The following RPS6KA2 variants were observed in gnomAD, a reference collection of about 807,000 sequenced individuals.
RPS6KA2 encodes the protein ribosomal protein S6 kinase A2.
RPS6KA2 carries 42 observed loss-of-function variants against 91.8 expected under a neutral mutation model. The observed-to-expected ratio is 0.46, with a 90% CI of 0.36 to 0.59. The LOEUF (loss-of-function observed/expected upper bound fraction) is 0.59, where lower values mean the gene tolerates loss of function less well. RPS6KA2 is among the 20% of genes least tolerant of loss of function. The pLI is 0.00. For missense variants in RPS6KA2, 798 were observed against 978.5 expected (o/e 0.82, Z 2.46); for synonymous variants, 414 against 393.6 (o/e 1.05, Z -0.61).
chr6:166,658,166 G>C (rs369866174), intron 2 of RPS6KA2, among the ~76,000 whole-genome samples: 82 of 152,318 alleles, frequency 5.4e-4, no homozygotes, highest in Middle Eastern at 6.8e-3. Flanking sequence ...ACAGGCATGA[G>C]CCACTGTGGC....
At chr6:166,584,706 T>A (rs1785115687) in intron 1 of RPS6KA2, among the ~76,000 whole-genome samples, 1 of 152,330 alleles carries the variant, frequency 6.6e-6, no homozygotes, top group East Asian at 1.9e-4. Context: ...TTAACTGAAA[T>A]TTTTAACGGA....
intron 2 of RPS6KA2, among the ~76,000 whole-genome samples, chr6:166,741,212 T>C (rs1444050768): frequency 1.3e-5 from 2 of 152,268 alleles, no homozygotes; most frequent in Admixed American, 1.3e-4. Flanking sequence ...TGTTTATGCA[T>C]ACATTGCTTA....
intron 2 of RPS6KA2, among the ~76,000 whole-genome samples, chr6:166,691,150 T>C (rs1789195810): frequency 6.6e-6 from 1 of 152,096 alleles, no homozygotes; most frequent in Non-Finnish European, 1.5e-5. Context: ...TGCTTCTCCT[T>C]TTATACCTGA....
chr6:166,667,973 C>T (rs1006565008), intron 2 of RPS6KA2, among the ~76,000 whole-genome samples: 8 of 152,190 alleles, frequency 5.3e-5, no homozygotes, highest in African/African-American at 1.9e-4. Context: ...AGGGGAAGAG[C>T]ACAGCCCGCA....
chr6:166,482,065 G>T (rs1781244649), intron 10 of RPS6KA2, among the ~76,000 whole-genome samples: 1 of 151,494 alleles, frequency 6.6e-6, no homozygotes, highest in Non-Finnish European at 1.5e-5. Flanking sequence ...ATGGTAGACT[G>T]TACATATACC....
In RPS6KA2 at chr6:166,459,724, ATATAT is replaced by A. The variant is rs1432739341; in HGVS notation, c.973-178_973-174del. 1.3e-5 allele frequency among the ~76,000 whole-genome samples: 2 copies of A among 152,206 alleles called. No homozygotes were observed. The highest frequency in any genetic ancestry group is 4.8e-5 in the African/African-American group (2 of 41,450). On this transcript the variant is annotated intron_variant, in intron 11 of 20. Transcript: ENST00000265678. This position sits in a 1 kb window ranked among gnomAD's most constrained non-coding sequence, Gnocchi z 4.9. The stretch of plus-strand genomic sequence containing the variant: ...TACTCTGAAATATAGATGGCATAAA[ATATAT>A]TATGTGTAGTATGATAGATACTATG...
chr6:166,547,446 C>T (rs757392973), intron 1 of RPS6KA2, among the ~76,000 whole-genome samples: 12 of 152,240 alleles, frequency 7.9e-5, no homozygotes, highest in African/African-American at 2.2e-4. Context: ...GCTGAGTGCC[C>T]GCTCTCCGGC....
chr6:166,687,117 G>A (rs1789046879), intron 2 of RPS6KA2, among the ~76,000 whole-genome samples: 1 of 152,192 alleles, frequency 6.6e-6, no homozygotes, highest in African/African-American at 2.4e-5. Flanking sequence ...GACACAGACA[G>A]CAATGCCCCA....
At chr6:166,513,315 C>A (rs1315953551) in intron 3 of RPS6KA2, among the ~76,000 whole-genome samples, 1 of 152,188 alleles carries the variant, frequency 6.6e-6, no homozygotes, top group Admixed American at 6.5e-5. Flanking sequence ...GTGGTCCTCG[C>A]AGTTCCTAAT....
intron 10 of RPS6KA2, among the ~76,000 whole-genome samples, chr6:166,485,292 G>A (rs1781366461): frequency 6.6e-6 from 1 of 152,256 alleles, no homozygotes; most frequent in South Asian, 2.1e-4. Context: ...GCAAACTTCA[G>A]AGTTGAGAGA....
intron 10 of RPS6KA2, among the ~76,000 whole-genome samples, chr6:166,487,355 G>A (rs1043794944): frequency 1.3e-5 from 2 of 152,140 alleles, no homozygotes; most frequent in East Asian, 1.9e-4. Flanking sequence ...CTGCTCTGAC[G>A]TCACCAGTGC....
intron 10 of RPS6KA2, among the ~76,000 whole-genome samples, chr6:166,482,930 A>G (rs1358905618): frequency 2.0e-5 from 3 of 152,240 alleles, no homozygotes; most frequent in Non-Finnish European, 4.4e-5. Flanking sequence ...ATTTTAAATT[A>G]GTTGCCTCCC....
intron 2 of RPS6KA2, among the ~76,000 whole-genome samples, chr6:166,689,154 A>C (rs928648893): frequency 1.3e-5 from 2 of 152,370 alleles, no homozygotes; most frequent in Admixed American, 6.5e-5. Flanking sequence ...GCGCTCCCCT[A>C]CCAAAGCCCT....
intron 10 of RPS6KA2, among the ~76,000 whole-genome samples, chr6:166,485,385 G>A (rs1052976066): frequency 6.6e-6 from 1 of 152,156 alleles, no homozygotes; most frequent in African/African-American, 2.4e-5. Context: ...AGGCAGGCGT[G>A]TCCTGAAGTG....
At chr6:166,660,738 T>C (rs1788140981) in intron 2 of RPS6KA2, among the ~76,000 whole-genome samples, 1 of 152,212 alleles carries the variant, frequency 6.6e-6, no homozygotes, top group South Asian at 2.1e-4. Context: ...ATCTCTTCCC[T>C]TAGTGCTGTC....
chr6:166,785,992 A>G (rs1176041863), intron 2 of RPS6KA2, among the ~76,000 whole-genome samples: 2 of 152,224 alleles, frequency 1.3e-5, no homozygotes, highest in Non-Finnish European at 2.9e-5. Flanking sequence ...TTAAAAATCT[A>G]AGAAAAAAGG....
At chr6:166,674,178 T>C (rs1249264660) in intron 2 of RPS6KA2, among the ~76,000 whole-genome samples, 1 of 152,270 alleles carries the variant, frequency 6.6e-6, no homozygotes, top group Non-Finnish European at 1.5e-5. Context: ...TAGCCATCCA[T>C]GTCAATAAAT....
At chr6:166,715,637 C>T (rs533058029) in intron 2 of RPS6KA2, among the ~76,000 whole-genome samples, 1 of 152,314 alleles carries the variant, frequency 6.6e-6, no homozygotes, top group South Asian at 2.1e-4. Flanking sequence ...CCCTGGCACA[C>T]ACCGAGGCTA....
chr6:166,437,567 G>A lies in RPS6KA2; in HGVS notation c.1333-5077C>T, dbSNP rs1247516139. Among the ~76,000 whole-genome samples the A allele has an allele frequency of 1.3e-5, 2 of 152,156 alleles. No individual in the cohort carries two copies. The highest frequency in any genetic ancestry group is 2.4e-5 in the African/African-American group (1 of 41,434). On this transcript the variant is annotated intron_variant, in intron 14 of 20. Coordinates refer to ENST00000265678, the MANE Select transcript of RPS6KA2 (RefSeq NM_021135.6). The surrounding 1 kb of genome is among the most constrained non-coding windows in gnomAD (Gnocchi z 4.3). ...AGAGAAGGGCATTCTCCAGGGGTTG[G>A]CCACCCACCACAGCCGGTAAATAAA...
Sources: allele counts gnomAD v4.1 joint callset (sites outside exome capture counted in the v4.1 genomes callset), GRCh38; gene constraint gnomAD v4.1.1; non-coding constraint Gnocchi (gnomAD v3.1); transcripts MANE v1.5; gene names NCBI Gene and HGNC (gene_info 2026-07-23, HGNC 2026-07-21).